MALRD1: variants seen among roughly 807,000 people sequenced by gnomAD.
MALRD1 encodes the protein MAM and LDL receptor class A domain containing 1.
MALRD1 carries 247 observed loss-of-function variants against 242.1 expected under a neutral mutation model. The ratio of observed to expected loss-of-function variants is 1.02; its 90% CI spans 0.92 to 1.13. MALRD1 has a LOEUF of 1.13. MALRD1 is among the 50% of genes most tolerant of loss of function. The pLI, the probability that MALRD1 is intolerant of heterozygous loss-of-function variation, is 0.00. For synonymous variants in MALRD1, 995 were observed against 866.6 expected (o/e 1.15, Z -2.60); for missense variants, 2,989 against 2,533.1 (o/e 1.18, Z -3.86).
chr10:19,162,281 CCTCTCTTT>C lies in MALRD1; in HGVS notation c.1657-3354_1657-3347del, dbSNP rs560574924. On this transcript the variant is annotated intron_variant, in intron 12 of 39. Coordinates refer to ENST00000454679, the MANE Select transcript of MALRD1 (RefSeq NM_001142308.3). ...TGACGTAGAATAGATTATCTTTCTT[CCTCTCTTT>C]CCTCTCTCTCTCTCTCTGTTACTTT... Among the ~76,000 whole-genome samples the C allele has an allele frequency of 4.7e-3, 689 of 146,634 alleles. 1 individual carries two copies. The highest frequency in any genetic ancestry group is 7.2e-3 in the Non-Finnish European group (470 of 65,104).
chr10:19,191,472 C>T (rs963169868), intron 14 of MALRD1, among the ~76,000 whole-genome samples: 7 of 152,066 alleles, frequency 4.6e-5, no homozygotes, highest in African/African-American at 9.7e-5. Flanking sequence ...CCATATGCTT[C>T]GGCAATTCCA....
intron 11 of MALRD1, among the ~76,000 whole-genome samples, chr10:19,154,797 A>G (rs935892109): frequency 6.6e-6 from 1 of 152,206 alleles, no homozygotes; most frequent in Admixed American, 6.5e-5. Context: ...ATTTAATTTG[A>G]TGTCAAACTC....
intron 36 of MALRD1, among the ~76,000 whole-genome samples, chr10:19,640,966 AC>A (rs906888684): frequency 6.6e-6 from 1 of 152,236 alleles, no homozygotes; most frequent in Non-Finnish European, 1.5e-5. Context: ...ATTGTTTTCT[AC>A]CCATATTATC....
chr10:19,176,803 CGT>C (rs1185126832), intron 14 of MALRD1, among the ~76,000 whole-genome samples: 1 of 149,694 alleles, frequency 6.7e-6, no homozygotes, highest in Non-Finnish European at 1.5e-5. Flanking sequence ...CATGTGTGCG[CGT>C]GTCTGCCTGT....
At chr10:19,588,896 G>C (rs562735572) in intron 33 of MALRD1, among the ~76,000 whole-genome samples, 1 of 152,120 alleles carries the variant, frequency 6.6e-6, no homozygotes, top group Non-Finnish European at 1.5e-5. Context: ...GACCGCCTTG[G>C]CCTTCCAAAG....
At chr10:19,415,516 G>T (rs1231888724) in intron 28 of MALRD1, among the ~76,000 whole-genome samples, 1 of 151,914 alleles carries the variant, frequency 6.6e-6, no homozygotes, top group African/African-American at 2.4e-5. Flanking sequence ...TTTAAACTTG[G>T]TAAATGACAA....
At chr10:19,592,929 T>C (rs1213529695) in intron 33 of MALRD1, among the ~76,000 whole-genome samples, 1 of 152,028 alleles carries the variant, frequency 6.6e-6, no homozygotes, top group African/African-American at 2.4e-5. Flanking sequence ...AGATTCTCGT[T>C]ATATGCAAAG....
intron 5 of MALRD1, among the ~76,000 whole-genome samples, chr10:19,121,563 AT>A (rs1432401517): frequency 1.3e-5 from 2 of 152,150 alleles, no homozygotes; most frequent in East Asian, 3.9e-4. Flanking sequence ...AGTTTTGGCC[AT>A]TTAGGTCCTG....
intron 32 of MALRD1, among the ~76,000 whole-genome samples, chr10:19,566,293 G>T (rs1589246829): frequency 2.8e-5 from 4 of 141,632 alleles, no homozygotes; most frequent in African/African-American, 1.1e-4. Flanking sequence ...CACCATGCCT[G>T]GCTAATTTTT....
chr10:19,377,990 T>C (rs1377448289), intron 26 of MALRD1, among the ~76,000 whole-genome samples: 1 of 152,132 alleles, frequency 6.6e-6, no homozygotes, highest in Non-Finnish European at 1.5e-5. Flanking sequence ...AAGAATTCTG[T>C]GATTAAAGTA....
chr10:19,136,024 GT>G (rs1292715542), intron 9 of MALRD1, among the ~76,000 whole-genome samples: 1 of 152,104 alleles, frequency 6.6e-6, no homozygotes, highest in Non-Finnish European at 1.5e-5. Flanking sequence ...GTTGAATAGA[GT>G]TTTATGTTTA....
intron 36 of MALRD1, among the ~76,000 whole-genome samples, chr10:19,620,717 A>G (rs1839363497): frequency 6.6e-6 from 1 of 152,074 alleles, no homozygotes. Context: ...CCTAATGTAT[A>G]ACTGAGATTG....
intron 26 of MALRD1, among the ~76,000 whole-genome samples, chr10:19,374,152 T>C (rs766811586): frequency 6.6e-6 from 1 of 152,192 alleles, no homozygotes; most frequent in Non-Finnish European, 1.5e-5. Context: ...TCTGCATATA[T>C]AAATACACAT....
chr10:19,160,952 C>A lies in MALRD1; in HGVS notation c.1657-4685C>A, dbSNP rs1416700583. Among the ~76,000 whole-genome samples, 271 of 151,632 alleles carry A rather than the reference C, an allele frequency of 1.8e-3. 8 individuals are homozygous for A. Among genetic ancestry groups the A allele is most frequent in the Non-Finnish European group, 5.2e-4 (35 of 67,936 alleles). ...TGATTTTTTGAAGGGTTTTTTGTGT[C>A]TCTATTTCCTTCAGTTCTGCTCTGA... is the stretch of plus-strand genomic sequence containing the variant. On this transcript the variant is annotated intron_variant, in intron 12 of 39. Transcript: ENST00000454679.
chr10:19,254,306 G>A (rs1261158177), intron 18 of MALRD1, among the ~76,000 whole-genome samples: 4 of 152,052 alleles, frequency 2.6e-5, no homozygotes, highest in South Asian at 2.1e-4. Context: ...TTGTTGCTGA[G>A]TGGTATTCTA....
intron 18 of MALRD1, among the ~76,000 whole-genome samples, chr10:19,222,473 A>G (rs1411946037): frequency 6.6e-6 from 1 of 152,198 alleles, no homozygotes; most frequent in Non-Finnish European, 1.5e-5. Context: ...TCCACTTCAC[A>G]AGGAAGTATT....
At chr10:19,378,894 G>T (rs1845716922) in intron 26 of MALRD1, among the ~76,000 whole-genome samples, 1 of 151,966 alleles carries the variant, frequency 6.6e-6, no homozygotes, top group African/African-American at 2.4e-5. Context: ...TATTCTTTCT[G>T]TTTACATGTG....
At chr10:19,334,209 T>C (rs1843511841) in intron 24 of MALRD1, among the ~76,000 whole-genome samples, 1 of 151,392 alleles carries the variant, frequency 6.6e-6, no homozygotes, top group East Asian at 1.9e-4. Context: ...CAATTGCTTT[T>C]GATGATTTAG....
chr10:19,099,257 C>T (rs1836160838), intron 4 of MALRD1, among the ~76,000 whole-genome samples: 1 of 152,096 alleles, frequency 6.6e-6, no homozygotes, highest in Non-Finnish European at 1.5e-5. Context: ...ATTTATTGGG[C>T]TGCTTTTTGG....
Sources: allele counts gnomAD v4.1 joint callset (sites outside exome capture counted in the v4.1 genomes callset), GRCh38; gene constraint gnomAD v4.1.1; transcripts MANE v1.5; gene names NCBI Gene and HGNC (gene_info 2026-07-23, HGNC 2026-07-21).